COL5A2: variants seen among roughly 807,000 people sequenced by gnomAD.
COL5A2 encodes collagen type V alpha 2 chain, also known as collagen alpha-2(V) chain.
A neutral mutation model predicts 208.2 loss-of-function variants in COL5A2; 23 were observed. The observed-to-expected ratio is 0.11, with a 90% CI of 0.08 to 0.16. COL5A2 has a LOEUF of 0.16. Among genes scored for constraint, COL5A2 ranks in the 10% least tolerant of loss-of-function variants. The probability of loss-of-function intolerance (pLI) is 1.00; values close to 1 mark genes in which losing one functional copy is unlikely to be tolerated. For missense variants in COL5A2, 1,590 were observed against 1,956.4 expected, an observed-to-expected ratio of 0.81 and a Z score of 3.53; for synonymous variants, 625 against 628.5, an observed-to-expected ratio of 0.99 and a Z score of 0.08.
intron 52 of COL5A2, among the ~76,000 whole-genome samples, 180 bp from the exon 53 acceptor site, chr2:189,035,335 T>C (rs563665858): frequency 2.3e-4 from 35 of 152,242 alleles, no homozygotes; most frequent in African/African-American, 7.2e-4. Flanking sequence ...AAAATGTCTA[T>C]GAATACTCAA....
the COL5A2 span, among the ~76,000 whole-genome samples, chr2:189,377,636 A>C: frequency 6.6e-6 from 1 of 152,158 alleles, no homozygotes; most frequent in Non-Finnish European, 1.5e-5. Context: ...TCCCTACTCC[A>C]TTATCAAATG....
chr2:189,156,519 T>C (rs1688250460), intron 1 of COL5A2, among the ~76,000 whole-genome samples: 1 of 152,206 alleles, frequency 6.6e-6, no homozygotes, highest in Admixed American at 6.5e-5. Context: ...AGTTTACTGC[T>C]GTATGTTGAT....
chr2:189,195,874 A>G (rs1044496141), intron 1 of COL5A2, among the ~76,000 whole-genome samples: 2 of 152,242 alleles, frequency 1.3e-5, no homozygotes, highest in Non-Finnish European at 2.9e-5. Context: ...CCTAGGAAAT[A>G]CCATTCAGGA....
At chr2:189,035,177 G>A in intron 52 of COL5A2, 22 bp from the exon 53 acceptor site, 1 of 1,613,548 alleles carries the variant, frequency 6.2e-7, no homozygotes, top group Non-Finnish European at 8.5e-7. Flanking sequence ...AAGAGTCTTT[G>A]TCATACACAA....
chr2:189,300,920 A>T, the COL5A2 span, among the ~76,000 whole-genome samples: 1 of 152,258 alleles, frequency 6.6e-6, no homozygotes. Flanking sequence ...GGCATGGTGG[A>T]TCACACCTAT....
At chr2:189,137,970 C>A (rs964305988) in intron 1 of COL5A2, among the ~76,000 whole-genome samples, 1 of 152,078 alleles carries the variant, frequency 6.6e-6, no homozygotes, top group African/African-American at 2.4e-5. Context: ...GTTGAGGACT[C>A]CAGGTTTAGG....
At chr2:189,146,923 G>GA (rs1471759340) in intron 1 of COL5A2, among the ~76,000 whole-genome samples, 9 of 152,048 alleles carry the variant, frequency 5.9e-5, no homozygotes, top group Non-Finnish European at 1.3e-4. Flanking sequence ...AATTAGACCA[G>GA]AAAAAGATTT....
the COL5A2 span, among the ~76,000 whole-genome samples, chr2:189,343,529 G>A: frequency 6.6e-6 from 1 of 151,942 alleles, no homozygotes; most frequent in Non-Finnish European, 1.5e-5. Flanking sequence ...AAATAATTAA[G>A]ATTTTAAATT....
At chr2:189,309,906 C>T in the COL5A2 span, among the ~76,000 whole-genome samples, 2 of 152,158 alleles carry the variant, frequency 1.3e-5, no homozygotes, top group Non-Finnish European at 2.9e-5. Context: ...TACATCCATT[C>T]ATATTCTGTT....
chr2:189,185,374 T>C (rs529909942), intron 1 of COL5A2, among the ~76,000 whole-genome samples: 7 of 152,292 alleles, frequency 4.6e-5, no homozygotes, highest in South Asian at 4.1e-4. Flanking sequence ...AAACGTATTA[T>C]GCGAAGGCAA....
Position 189,058,663 on chromosome 2 carries a change from A to G in COL5A2, c.2131-136T>C, listed in dbSNP as rs536296949. On this transcript the variant is annotated intron_variant, in intron 32 of 53. Coordinates refer to ENST00000374866, the MANE Select transcript of COL5A2 (RefSeq NM_000393.5). ...TAAATCTCAATTTTCTAATTTAGTG[A>G]TAAGAAATAAATTTGAAGTAAGGAT... 7.1e-6 allele frequency: 7 copies of G among 980,016 alleles called. No individual in the cohort carries two copies. In the African/African-American group the frequency reaches 8.2e-5, roughly 11 times the overall value. The allele number at this position is 980,016 out of a possible 1,614,324, so 60.7% of individuals were successfully genotyped here. A position where few individuals can be genotyped will look rare whatever the true frequency, so the allele number is the denominator to read the frequency against.
At chr2:189,187,345 T>C (rs1271420540) in intron 1 of COL5A2, among the ~76,000 whole-genome samples, 1 of 152,154 alleles carries the variant, frequency 6.6e-6, no homozygotes, top group African/African-American at 2.4e-5. Flanking sequence ...CAATTCAAAT[T>C]TTATGAACTA....
chr2:189,318,547 C>T, the COL5A2 span, among the ~76,000 whole-genome samples: 1 of 152,170 alleles, frequency 6.6e-6, no homozygotes, highest in African/African-American at 2.4e-5. Flanking sequence ...TTCAACTGGA[C>T]TCCACAGCAT....
intron 33 of COL5A2, among the ~76,000 whole-genome samples, chr2:189,058,051 C>A (rs746677543): frequency 2.0e-5 from 3 of 152,078 alleles, no homozygotes; most frequent in South Asian, 2.1e-4. Flanking sequence ...AATTGTGAAA[C>A]CTGAGACAAG....
the COL5A2 span, among the ~76,000 whole-genome samples, chr2:189,336,002 C>A: frequency 2.6e-5 from 4 of 152,006 alleles, no homozygotes; most frequent in African/African-American, 9.7e-5. Flanking sequence ...GAACATTTAT[C>A]TGACAAAGAT....
chr2:189,117,416 T>G (rs1010735712), intron 1 of COL5A2, among the ~76,000 whole-genome samples: 2 of 152,172 alleles, frequency 1.3e-5, no homozygotes, highest in Non-Finnish European at 2.9e-5. Flanking sequence ...GTGAATAAGT[T>G]TGGTACAGAG....
At chr2:189,182,064 GGTTT>G (rs1688788542), upstream of COL5A2, among the ~76,000 whole-genome samples, 2 of 152,128 alleles carry the variant, frequency 1.3e-5, no homozygotes, top group Admixed American at 1.3e-4. Flanking sequence ...CTCTATGTCT[GGTTT>G]TAGGGTCCCA....
chr2:189,408,346 T>C, the COL5A2 span, among the ~76,000 whole-genome samples: 1 of 152,180 alleles, frequency 6.6e-6, no homozygotes, highest in Admixed American at 6.5e-5. Flanking sequence ...TGCTTGGCCA[T>C]ACACCCAGTT....
At chr2:189,308,024 C>T in the COL5A2 span, among the ~76,000 whole-genome samples, 1 of 152,094 alleles carries the variant, frequency 6.6e-6, no homozygotes, top group Non-Finnish European at 1.5e-5. Context: ...TGGACTCACC[C>T]TGAATTCTTT....
Sources: allele counts gnomAD v4.1 joint callset (sites outside exome capture counted in the v4.1 genomes callset), GRCh38; gene constraint gnomAD v4.1.1; transcripts MANE v1.5; gene names NCBI Gene and HGNC (gene_info 2026-07-23, HGNC 2026-07-21).